PDIK1L: variants seen among roughly 807,000 people sequenced by gnomAD.
The protein encoded by PDIK1L is serine/threonine-protein kinase PDIK1L.
PDIK1L carries 9 observed loss-of-function variants against 27.1 expected under a neutral mutation model. That is an observed-to-expected ratio of 0.33 (90% CI 0.20 to 0.58). PDIK1L has a LOEUF of 0.58. Ranked by LOEUF, PDIK1L falls within the 20% of genes least tolerant of loss-of-function variation. The pLI, the probability that PDIK1L is intolerant of heterozygous loss-of-function variation, is 0.86. For missense variants in PDIK1L, 216 were observed against 413.2 expected, an observed-to-expected ratio of 0.52 and a Z score of 4.14; for synonymous variants, 130 against 141.7, an observed-to-expected ratio of 0.92 and a Z score of 0.59.
In PDIK1L at chr1:26,123,756, G is replaced by A. The variant is rs1298870242; in HGVS notation, c.*1179G>A. 1 of 152,534 alleles carries A rather than the reference G, an allele frequency of 6.6e-6. No individual in the cohort carries two copies. The highest frequency in any genetic ancestry group is 1.5e-5 in the Non-Finnish European group (1 of 68,006). 9.4% of individuals were successfully genotyped at this position (152,534 alleles called of 1,614,324 possible). A position where few individuals can be genotyped will look rare whatever the true frequency, so the allele number is the denominator to read the frequency against. On this transcript the variant is annotated 3_prime_UTR_variant, in exon 3 of 3. Transcript: ENST00000374269. ...TGGGAGAAGATACATACACAGTATG[G>A]CAAATGGATAAAATATTGTGGCATC...
chr1:26,113,498 T>TAAA (rs67443362), intron 1 of PDIK1L, among the ~76,000 whole-genome samples: 8 of 91,046 alleles, frequency 8.8e-5, no homozygotes, highest in African/African-American at 8.3e-5. Context: ...AGACTCCGTC[T>TAAA]AAAAAAAAAA....
At position 26,114,821 on chromosome 1, in the gene PDIK1L, T is replaced by A. The variant is rs1039327215; in HGVS notation, c.285+228T>A. Among the ~76,000 whole-genome samples the A allele has an allele frequency of 6.6e-6, 1 of 152,242 alleles. No homozygotes were observed. The highest frequency in any genetic ancestry group is 2.4e-5 in the African/African-American group (1 of 41,470). ...ACATAAGCCACCTGTTATGCAATGG[T>A]ACTTGCCAGTCTGCATAGGAATGGG... On this transcript the variant is annotated intron_variant, in intron 2 of 2. Transcript: ENST00000374269. The surrounding 1 kb of genome is among the most constrained non-coding windows in gnomAD (Gnocchi z 4.8).
At chr1:26,117,151 C>A (rs2087893275) in intron 2 of PDIK1L, among the ~76,000 whole-genome samples, 1 of 150,430 alleles carries the variant, frequency 6.6e-6, no homozygotes, top group African/African-American at 2.4e-5. Flanking sequence ...CCTGGCTCAA[C>A]CTCCTGAGTA....
intron 2 of PDIK1L, among the ~76,000 whole-genome samples, chr1:26,121,028 T>C (rs1406339125): frequency 2.0e-5 from 3 of 152,030 alleles, no homozygotes; most frequent in Non-Finnish European, 4.4e-5. Flanking sequence ...TCTATTGAAT[T>C]TCAAGTAAAG....
At position 26,125,025 on chromosome 1, in the gene PDIK1L, C is replaced by CT. The variant is rs2088054774; in HGVS notation, c.*2448_*2449insT. ...CAATTGTTCCTCATAGAGTCTTTTG[C>CT]CATGATTTATGGTGTTTTTTGAAAT... On this transcript the variant is annotated 3_prime_UTR_variant, in exon 3 of 3. Coordinates refer to ENST00000374269, the MANE Select transcript of PDIK1L (RefSeq NM_152835.5). 1.3e-5 allele frequency: 2 copies of CT among 152,486 alleles called. No individual in the cohort carries two copies. The highest frequency in any genetic ancestry group is 6.6e-5 in the Admixed American group (1 of 15,266). 9.4% of individuals were successfully genotyped at this position (152,486 alleles called of 1,614,324 possible). A position where few individuals can be genotyped will look rare whatever the true frequency, so the allele number is the denominator to read the frequency against.
Position 26,125,535 on chromosome 1 carries a change from A to T in PDIK1L, c.*2958A>T, listed in dbSNP as rs1363400762. 4.6e-5 allele frequency: 7 copies of T among 151,796 alleles called. No individual in the cohort carries two copies. Among genetic ancestry groups the T allele is most frequent in the Non-Finnish European group, 8.9e-5 (6 of 67,758 alleles). 9.4% of individuals were successfully genotyped at this position (151,796 alleles called of 1,614,324 possible). A position where few individuals can be genotyped will look rare whatever the true frequency, so the allele number is the denominator to read the frequency against. On this transcript the variant is annotated 3_prime_UTR_variant, in exon 3 of 3. Transcript: ENST00000374269. ...TTTTTAAATAAAGTGAGTTTCAACA[A>T]AAAAAAAACTGAAAATTCTACATTG...
rs376170735 is a variant in PDIK1L at position 26,122,268 on chromosome 1, C to T, written c.717C>T (p.Asp239=). Residue 239 remains aspartate (D), a synonymous_variant, in exon 3 of 3, where the codon GAC becomes GAT. Coordinates refer to ENST00000374269, the MANE Select transcript of PDIK1L (RefSeq NM_152835.5). This position sits in a 1 kb window ranked among gnomAD's most constrained non-coding sequence, Gnocchi z 5.4. ...AAGGACATTACACAGCAAAAGCTGA[C>T]ATCTTTGCTCTGGGGATTATCATCT... The part of the protein sequence containing the change: ...VWEGHYTAKA[D]IFALGIIIWA... 1.1e-5 allele frequency: 17 copies of T among 1,614,148 alleles called. No individual in the cohort carries two copies. The highest frequency in any genetic ancestry group is 1.3e-5 in the Non-Finnish European group (15 of 1,180,006).
chr1:26,113,035 C>T (rs1277259269), intron 1 of PDIK1L, among the ~76,000 whole-genome samples: 2 of 152,182 alleles, frequency 1.3e-5, no homozygotes, highest in Admixed American at 1.3e-4. Flanking sequence ...TATGCAGGAT[C>T]TTTGTTGGCA....
intron 1 of PDIK1L, among the ~76,000 whole-genome samples, chr1:26,113,498 TAAAAAAAA>T (rs67443362): frequency 1.1e-5 from 1 of 91,056 alleles, no homozygotes; most frequent in East Asian, 3.1e-4. Context: ...AGACTCCGTC[TAAAAAAAA>T]AAAAAAAAAA....
At chr1:26,113,371 A>T (rs2087828081) in intron 1 of PDIK1L, among the ~76,000 whole-genome samples, 1 of 152,040 alleles carries the variant, frequency 6.6e-6, no homozygotes. Context: ...AGGCGCCTAT[A>T]GTCCCAGCTA....
intron 1 of PDIK1L, among the ~76,000 whole-genome samples, chr1:26,113,788 T>TTTGC (rs2087838018): frequency 6.6e-6 from 1 of 152,154 alleles, no homozygotes; most frequent in African/African-American, 2.4e-5. Context: ...AAGCTGGGAT[T>TTTGC]TTGCTTGCTT....
rs1470120871 is a variant in PDIK1L, at chr1:26,122,391, G to A, written c.840G>A (p.Gly280=). The A allele has an allele frequency of 6.2e-7, 1 of 1,614,124 alleles. No homozygotes were observed. The highest frequency in any genetic ancestry group is 8.5e-7 in the Non-Finnish European group (1 of 1,179,998). ...AAGGAACTGAGATTGTGCCTGTTGGGGAGGCACTTCTGGAAAATCCCAAAA... is the reference window on the plus strand; with the variant it reads ...AAGGAACTGAGATTGTGCCTGTTGGAGAGGCACTTCTGGAAAATCCCAAAA... ...VKQGTEIVPV[G]EALLENPKME... is the part of the protein sequence containing the mutation. The change falls in exon 3 of 3, where the codon GGG becomes GGA. Residue 280 remains glycine (G), a synonymous_variant. Transcript: ENST00000374269. The surrounding 1 kb of genome is among the most constrained non-coding windows in gnomAD (Gnocchi z 5.4).
chr1:26,121,864 A>G lies in PDIK1L; in HGVS notation c.313A>G (p.Ile105Val). The change falls in exon 3 of 3, where the codon ATT (isoleucine) becomes GTT (valine). Residue 105 changes from isoleucine to valine, a missense_variant. Around this residue, in one of 2 missense-constraint regions of PDIK1L, gnomAD observed 169 missense variants for 366.0 expected, o/e 0.46. Transcript: ENST00000374269. ...QLVETSLKGEIAFDPRSAYYL... is the reference protein window; with the variant it reads ...QLVETSLKGEVAFDPRSAYYL... ...TGTAGAAACTTCATTAAAAGGAGAA[A>G]TTGCCTTTGATCCCAGAAGCGCCTA... 1 of 1,609,522 alleles carries G rather than the reference A, an allele frequency of 6.2e-7. No individual in the cohort carries two copies. Among genetic ancestry groups the G allele is most frequent in the Non-Finnish European group, 8.5e-7 (1 of 1,178,350 alleles).
chr1:26,118,604 GTAA>G (rs1250014185), intron 2 of PDIK1L, among the ~76,000 whole-genome samples: 2 of 152,136 alleles, frequency 1.3e-5, no homozygotes, highest in Non-Finnish European at 1.5e-5. Context: ...AAGATAAGGG[GTAA>G]TAATATCTAC....
chr1:26,124,448 T>A lies in PDIK1L; in HGVS notation c.*1871T>A, dbSNP rs759636126. On this transcript the variant is annotated 3_prime_UTR_variant, in exon 3 of 3. Coordinates refer to ENST00000374269, the MANE Select transcript of PDIK1L (RefSeq NM_152835.5). Reference sequence around the variant, plus strand: ...ACAGATATGTCCAAGGAAGTTGAGCTATAGGGAGTAAGAAAAAGCATCATG... The same window carrying A: ...ACAGATATGTCCAAGGAAGTTGAGCAATAGGGAGTAAGAAAAAGCATCATG... The A allele has an allele frequency of 6.6e-6, 1 of 152,154 alleles. No individual in the cohort carries two copies. The allele number at this position is 152,154 out of a possible 1,614,324, so 9.4% of individuals were successfully genotyped here.
Position 26,114,607 on chromosome 1 carries a change from A to T in PDIK1L, c.285+14A>T, listed in dbSNP as rs1440672453. ...CTTTATTTACAGGTATGTGTTGTTG[A>T]TTGGGAAATAGAAATGATTTGAACA... On this transcript the variant is annotated intron_variant, in intron 2 of 2. Coordinates refer to ENST00000374269, the MANE Select transcript of PDIK1L (RefSeq NM_152835.5). The surrounding 1 kb of genome is among the most constrained non-coding windows in gnomAD (Gnocchi z 4.8). 6.2e-7 allele frequency: 1 copy of T among 1,605,422 alleles called. No homozygotes were observed. The highest frequency in any genetic ancestry group is 1.1e-5 in the South Asian group (1 of 90,896).
Position 26,114,318 on chromosome 1 carries a change from A to G in PDIK1L, c.10A>G (p.Ser4Gly). 1 of 1,608,636 alleles carries G rather than the reference A, an allele frequency of 6.2e-7. No homozygotes were observed. The highest frequency in any genetic ancestry group is 8.5e-7 in the Non-Finnish European group (1 of 1,175,310). MVS[S>G]QPKYDLIREV... ...AACCTCGACCTTGAAGATGGTGAGT[A>G]GCCAGCCAAAGTACGATCTAATACG... Residue 4 changes from serine (S) to glycine (G), a missense_variant, in exon 2 of 3, where the codon AGC becomes GGC. This residue lies in a region of PDIK1L where 47 missense variants were observed against 47.2 expected (regional missense o/e 1.00). Transcript: ENST00000374269. The surrounding 1 kb of genome is among the most constrained non-coding windows in gnomAD (Gnocchi z 4.8).
intron 1 of PDIK1L, among the ~76,000 whole-genome samples, chr1:26,113,361 A>G (rs1035249610): frequency 8.5e-5 from 13 of 152,114 alleles, no homozygotes; most frequent in Non-Finnish European, 7.4e-5. Flanking sequence ...GTGTGGTGGC[A>G]GGCGCCTATA....
Position 26,122,156 on chromosome 1 carries a change from A to C in PDIK1L, c.605A>C (p.Gln202Pro). 6.2e-7 allele frequency: 1 copy of C among 1,614,206 alleles called. No individual in the cohort carries two copies. Among genetic ancestry groups the C allele is most frequent in the African/African-American group, 1.3e-5 (1 of 75,068 alleles). The change falls in exon 3 of 3, where the codon CAG becomes CCG. Residue 202 changes from glutamine (Q) to proline (P), a missense_variant. Gln to Pro is a moderately conservative substitution (Grantham distance 76). This residue lies in a region of PDIK1L where 169 missense variants were observed against 366.0 expected (regional missense o/e 0.46). Coordinates refer to ENST00000374269, the MANE Select transcript of PDIK1L (RefSeq NM_152835.5). This position sits in a 1 kb window ranked among gnomAD's most constrained non-coding sequence, Gnocchi z 5.4. Reference protein sequence around the residue: ...GLSKVCSASGQNPEEPVSVNK... With the variant: ...GLSKVCSASGPNPEEPVSVNK... ...AGTAAAGTTTGTTCAGCCTCTGGGC[A>C]GAACCCAGAAGAACCTGTCAGTGTA...
Sources: gnomAD v4.1 joint callset for allele counts (sites outside exome capture counted in the v4.1 genomes callset) on GRCh38, gnomAD v4.1.1 for gene constraint, gnomAD v4.1.1 regional missense constraint, Gnocchi (gnomAD v3.1) non-coding constraint, MANE v1.5 for transcripts, NCBI Gene and HGNC (gene_info 2026-07-23, HGNC 2026-07-21) for gene names.